The following EPDR1 variants were observed in gnomAD, a reference collection of about 807,000 sequenced individuals.
EPDR1 encodes the protein ependymin related 1.
In EPDR1, 27 loss-of-function variants were observed where a neutral mutation model predicts 23.7. The observed-to-expected ratio is 1.14, with a 90% CI of 0.84 to 1.57. The LOEUF (loss-of-function observed/expected upper bound fraction) is 1.57. Among genes scored for constraint, EPDR1 ranks in the 40% most tolerant of loss-of-function variants. The pLI is 0.00. For missense variants in EPDR1, 349 were observed against 290.4 expected (o/e 1.20, Z -1.47); for synonymous variants, 137 against 118.2 (o/e 1.16, Z -1.03).
rs1175189855 is a variant in EPDR1, at chr7:37,950,409, G to A, written c.*13G>A. The A allele has an allele frequency of 6.3e-7, 1 of 1,598,508 alleles. No individual in the cohort carries two copies. The highest frequency in any genetic ancestry group is 1.1e-5 in the South Asian group (1 of 89,230). On this transcript the variant is annotated 3_prime_UTR_variant, in exon 3 of 3. Coordinates refer to ENST00000199448, the MANE Select transcript of EPDR1 (RefSeq NM_017549.5). ...CTGCTCCTGGTGAGCCTGTGCATAG[G>A]GAAGCGGCAGCATCGGATGTCAGCC...
In EPDR1 at chr7:37,945,705, G is replaced by A. The variant is rs549566057; in HGVS notation, c.270-3135G>A. 3.5e-3 allele frequency among the ~76,000 whole-genome samples: 538 copies of A among 152,238 alleles called. 5 individuals carry two copies. Among genetic ancestry groups the A allele is most frequent in the African/African-American group, 0.012 (518 of 41,550 alleles). ...CAATTCTAGCATATAAGTAATTACT[G>A]TATTATACTTTTTTTTCTTCAACTT... On this transcript the variant is annotated intron_variant, in intron 1 of 2. Transcript: ENST00000199448.
intron 1 of EPDR1, among the ~76,000 whole-genome samples, chr7:37,942,007 A>AC (rs1583669497): frequency 6.6e-6 from 1 of 152,146 alleles, no homozygotes; most frequent in East Asian, 1.9e-4. Flanking sequence ...ATTTTATAAT[A>AC]AAAATTAGAA....
rs1562865564 is a variant in EPDR1 at position 37,950,259 on chromosome 7, A to C, written c.538A>C (p.Thr180Pro). ...KDCYPVQETF[T>P]INYSVILSTR... Reference sequence around the variant, plus strand: ...TTGCTATCCTGTCCAGGAAACCTTTACCATAAACTACAGTGTGATATTGTC... The same window carrying C: ...TTGCTATCCTGTCCAGGAAACCTTTCCCATAAACTACAGTGTGATATTGTC... Residue 180 changes from threonine to proline, a missense_variant, in exon 3 of 3, where the codon ACC becomes CCC. By Grantham distance (38) the Thr-to-Pro change is conservative. Transcript: ENST00000199448. 6.2e-7 allele frequency: 1 copy of C among 1,614,126 alleles called. No homozygotes were observed. The highest frequency in any genetic ancestry group is 1.7e-5 in the Admixed American group (1 of 60,028).
chr7:37,922,008 C>T (rs1434663395), intron 1 of EPDR1, among the ~76,000 whole-genome samples: 1 of 152,170 alleles, frequency 6.6e-6, no homozygotes, highest in African/African-American at 2.4e-5. Flanking sequence ...AGGAAACCCT[C>T]TTTTTGAGAT....
chr7:37,930,498 C>T (rs1785913920), intron 1 of EPDR1, among the ~76,000 whole-genome samples: 1 of 152,212 alleles, frequency 6.6e-6, no homozygotes, highest in African/African-American at 2.4e-5. Context: ...TGTATCTTGG[C>T]ATGGATTGTG....
At chr7:37,931,381 G>A (rs1206346667) in intron 1 of EPDR1, among the ~76,000 whole-genome samples, 2 of 152,072 alleles carry the variant, frequency 1.3e-5, no homozygotes, top group Non-Finnish European at 2.9e-5. Flanking sequence ...AGGCATGGTG[G>A]CATGCGCCTG....
chr7:37,931,270 T>G (rs931740001), intron 1 of EPDR1, among the ~76,000 whole-genome samples: 1 of 152,188 alleles, frequency 6.6e-6, no homozygotes, highest in Non-Finnish European at 1.5e-5. Flanking sequence ...TCCCAGCACT[T>G]TGGGAGGCCG....
chr7:37,941,899 G>GA (rs1289307608), intron 1 of EPDR1, among the ~76,000 whole-genome samples: 1 of 152,014 alleles, frequency 6.6e-6, no homozygotes, highest in Non-Finnish European at 1.5e-5. Flanking sequence ...TAGAAAACTA[G>GA]AAAAAATACA....
intron 1 of EPDR1, among the ~76,000 whole-genome samples, chr7:37,921,983 C>A (rs937623140): frequency 6.6e-6 from 1 of 152,200 alleles, no homozygotes; most frequent in Non-Finnish European, 1.5e-5. Flanking sequence ...CACCTTTTCA[C>A]ATCTGTTGTG....
chr7:37,948,789 C>A, intron 1 of EPDR1, 51 bp from the exon 2 acceptor site: 2 of 1,470,804 alleles, frequency 1.4e-6, no homozygotes, highest in Non-Finnish European at 1.9e-6. Context: ...TTAAAAGGCA[C>A]GAGGATGGTA....
intron 1 of EPDR1, among the ~76,000 whole-genome samples, chr7:37,941,940 G>A (rs1426325465): frequency 6.6e-6 from 1 of 151,998 alleles, no homozygotes; most frequent in Non-Finnish European, 1.5e-5. Context: ...GAGCCTAGGA[G>A]GCAGACATAA....
intron 1 of EPDR1, among the ~76,000 whole-genome samples, chr7:37,926,478 CAAAAAAAA>C (rs55920283): frequency 8.3e-6 from 1 of 120,448 alleles, no homozygotes; most frequent in Non-Finnish European, 1.7e-5. Context: ...TTCTTCATAG[CAAAAAAAA>C]AAAAAAAAAA....
At chr7:37,926,389 G>C (rs1277805349) in intron 1 of EPDR1, among the ~76,000 whole-genome samples, 7 of 146,898 alleles carry the variant, frequency 4.8e-5, no homozygotes. Context: ...AACCATAAAA[G>C]TCAGGAGATT....
intron 1 of EPDR1, among the ~76,000 whole-genome samples, chr7:37,936,070 A>G (rs1252029944): frequency 1.4e-5 from 2 of 139,180 alleles, no homozygotes; most frequent in Non-Finnish European, 3.1e-5. Flanking sequence ...TGTTAAAATT[A>G]TTGTAATTCA....
intron 1 of EPDR1, among the ~76,000 whole-genome samples, chr7:37,928,958 G>A (rs986682118): frequency 6.6e-6 from 1 of 151,986 alleles, no homozygotes; most frequent in Non-Finnish European, 1.5e-5. Flanking sequence ...GAAACCCCAG[G>A]GGTTCTCTTG....
chr7:37,946,125 GTC>G (rs1172112231), intron 1 of EPDR1, among the ~76,000 whole-genome samples: 1 of 152,126 alleles, frequency 6.6e-6, no homozygotes, highest in East Asian at 1.9e-4. Flanking sequence ...CACATTTTCA[GTC>G]TATCATTGAT....
At chr7:37,936,852 T>G (rs1786063958) in intron 1 of EPDR1, among the ~76,000 whole-genome samples, 1 of 152,160 alleles carries the variant, frequency 6.6e-6, no homozygotes, top group African/African-American at 2.4e-5. Context: ...TCAGTTCTCC[T>G]AGATTTAACT....
Sources: gnomAD v4.1 joint callset for allele counts (sites outside exome capture counted in the v4.1 genomes callset) on GRCh38, gnomAD v4.1.1 for gene constraint, MANE v1.5 for transcripts, NCBI Gene and HGNC (gene_info 2026-07-23, HGNC 2026-07-21) for gene names.